HTR2B: variants seen among roughly 807,000 people sequenced by gnomAD.
The protein encoded by HTR2B is 5-hydroxytryptamine receptor 2B, also known as 5-HT 2B receptor.
HTR2B carries 31 observed loss-of-function variants against 39.8 expected under a neutral mutation model. The ratio of observed to expected loss-of-function variants is 0.78; its 90% confidence interval spans 0.58 to 1.05. The LOEUF is 1.05. Among genes scored for constraint, HTR2B ranks in the 50% least tolerant of loss-of-function variants. HTR2B has a pLI of 0.00. For missense variants in HTR2B, 562 were observed against 578.0 expected (o/e 0.97, Z 0.28); for synonymous variants, 210 against 207.1 (o/e 1.01, Z -0.12).
rs190426410 is a variant in HTR2B, at chr2:231,109,836, C to T, written c.554-427G>A. Among the ~76,000 whole-genome samples the T allele has an allele frequency of 2.2e-3, 328 of 152,248 alleles. 1 individual carries two copies. Among genetic ancestry groups the T allele is most frequent in the Middle Eastern group, 0.01 (3 of 294 alleles). ...ACTTCAGAGTACATTTATTCAATAT[C>T]TTTACTCAGTTTTGTCTTTGAGGTT... On this transcript the variant is annotated intron_variant, in intron 3 of 3. Transcript: ENST00000258400.
At position 231,109,174 on chromosome 2, in the gene HTR2B, A is replaced by G. The variant is rs1231282138; in HGVS notation, c.789T>C (p.Thr263=). 1.2e-6 allele frequency: 2 copies of G among 1,614,110 alleles called. No homozygotes were observed. Among genetic ancestry groups the G allele is most frequent in the African/African-American group, 1.3e-5 (1 of 74,936 alleles). ...NKPPQRLTWL[T]VSTVFQRDET... is the part of the protein sequence containing the mutation. ...CATCCCTTTGGAAAACTGTAGACAC[A>G]GTCAACCATGTTAGGCGTTGAGGTG... The change falls in exon 4 of 4, where the codon ACT becomes ACC. Residue 263 remains threonine, a synonymous_variant. Coordinates refer to ENST00000258400, the MANE Select transcript of HTR2B (RefSeq NM_000867.5).
In HTR2B at chr2:231,123,900, A is replaced by G. The variant is rs989847720; in HGVS notation, c.-136T>C. ...GCCAAAGTTGACACCTTCCTTTAAA[A>G]AAAAAAATTCAAGTTCTCTAAAATG... is the stretch of plus-strand genomic sequence containing the variant. On this transcript the variant is annotated 5_prime_UTR_variant, in exon 2 of 4. Transcript: ENST00000258400. 1.2e-5 allele frequency: 9 copies of G among 720,622 alleles called. No homozygotes were observed. In the East Asian group the frequency reaches 2.4e-4, roughly 19 times the overall value. 44.6% of individuals were successfully genotyped at this position (720,622 alleles called of 1,614,324 possible).
chr2:231,108,837 TCACTCCTGAGGAAA>T lies in HTR2B; in HGVS notation c.1112_1125del (p.Val371GlufsTer10). The T allele has an allele frequency of 6.2e-7, 1 of 1,614,170 alleles. No homozygotes were observed. Among genetic ancestry groups the T allele is most frequent in the Non-Finnish European group, 8.5e-7 (1 of 1,180,030 alleles). On this transcript the variant is annotated frameshift_variant, in exon 4 of 4. Transcript: ENST00000258400. LOFTEE classifies it high-confidence loss of function. Reference sequence around the variant, plus strand: ...TTGAAGAGGGTGTAGACCAAAGGATTCACTCCTGAGGAAACATAGCCTATCCACACAAATATCTC... The same window carrying T: ...TTGAAGAGGGTGTAGACCAAAGGATTCATAGCCTATCCACACAAATATCTC...
In HTR2B at chr2:231,108,914, C is replaced by T. The variant is rs762274085; in HGVS notation, c.1049G>A (p.Cys350Tyr). Residue 350 changes from cysteine (C) to tyrosine (Y), a missense_variant, in exon 4 of 4, where the codon TGT (cysteine) becomes TAT (tyrosine). By Grantham distance (194) the Cys-to-Tyr change is radical. Transcript: ENST00000258400. ...GAGAGTAGTTTGGTTACAGGAATCA[C>T]ATAAAACTAAAGTTATATTTGTAAT... ...FFITNITLVL[C>Y]DSCNQTTLQM... is the part of the protein sequence containing the mutation. 1 of 1,613,916 alleles carries T rather than the reference C, an allele frequency of 6.2e-7. No individual in the cohort carries two copies. The highest frequency in any genetic ancestry group is 8.5e-7 in the Non-Finnish European group (1 of 1,179,998).
rs1478116615 is a variant in HTR2B at position 231,123,467 on chromosome 2, C to T, written c.298G>A (p.Asp100Asn). The change falls in exon 2 of 4, where the codon GAT (aspartate) becomes AAT (asparagine). Residue 100 changes from aspartate (D) to asparagine (N), a missense_variant. Physicochemically the swap from Asp to Asn is conservative, Grantham distance 23. Coordinates refer to ENST00000258400, the MANE Select transcript of HTR2B (RefSeq NM_000867.5). ...NYFLMSLAVA[D>N]LLVGLFVMPI... ...ATCACAAACAATCCAACCAGCAAATCAGCCACCGCCAAGGACATTAGAAAG... is the reference window on the plus strand; with the variant it reads ...ATCACAAACAATCCAACCAGCAAATTAGCCACCGCCAAGGACATTAGAAAG... 6.2e-7 allele frequency: 1 copy of T among 1,614,054 alleles called. No homozygotes were observed. The highest frequency in any genetic ancestry group is 2.2e-5 in the East Asian group (1 of 44,866).
chr2:231,108,416 G>T lies in HTR2B; in HGVS notation c.*101C>A, dbSNP rs927202936. On this transcript the variant is annotated 3_prime_UTR_variant, in exon 4 of 4. Transcript: ENST00000258400. ...ACATCTTAGGTTAAAGAGATGATTT[G>T]ATATATGACATAAAATTCTTTATAT... is the stretch of plus-strand genomic sequence containing the variant. 27 of 822,562 alleles carry T rather than the reference G, an allele frequency of 3.3e-5. No individual in the cohort carries two copies. The highest frequency in any genetic ancestry group is 4.9e-5 in the Non-Finnish European group (25 of 507,684). The allele number at this position is 822,562 out of a possible 1,614,324, so 51.0% of individuals were successfully genotyped here.
rs750681997 is a variant in HTR2B at position 231,109,019 on chromosome 2, G to A, written c.944C>T (p.Thr315Ile). The A allele has an allele frequency of 5.0e-6, 8 of 1,614,090 alleles. No homozygotes were observed. The highest frequency in any genetic ancestry group is 2.7e-5 in the African/African-American group (2 of 74,928). The change falls in exon 4 of 4, where the codon ACC (threonine) becomes ATC (isoleucine). Residue 315 changes from threonine (T) to isoleucine (I), a missense_variant. By Grantham distance (89) the Thr-to-Ile change is moderately conservative. Coordinates refer to ENST00000258400, the MANE Select transcript of HTR2B (RefSeq NM_000867.5). ...TSTIGKKSVQTISNEQRASKV... is the reference protein window; with the variant it reads ...TSTIGKKSVQIISNEQRASKV... ...TGAGGCTCTCTGTTCGTTGGAAATG[G>A]TCTGCACTGACTTTTTCCCAATTGT...
rs1349081392 is a variant in HTR2B at position 231,109,226 on chromosome 2, T to C, written c.737A>G (p.Lys246Arg). 6 of 1,614,206 alleles carry C rather than the reference T, an allele frequency of 3.7e-6. No homozygotes were observed. Among genetic ancestry groups the C allele is most frequent in the Non-Finnish European group, 5.1e-6 (6 of 1,180,026 alleles). Residue 246 changes from lysine to arginine, a missense_variant, in exon 4 of 4, where the codon AAG becomes AGG. Transcript: ENST00000258400. ...TYFLTIHALQ[K>R]KAYLVKNKPP... ...CTTGTTTTTGACTAAGTAAGCCTTC[T>C]TCTGTAAAGCATGGATAGTGAGAAA...
Position 231,123,682 on chromosome 2 carries a change from G to T in HTR2B, c.83C>A (p.Ser28Tyr). The part of the protein sequence containing the change: ...ILQSTFVHVI[S>Y]SNWSGLQTES... ...TGTCTGTAATCCAGACCAGTTAGAAGAGATAACGTGAACAAAGGTGCTCTG... is the reference window on the plus strand; with the variant it reads ...TGTCTGTAATCCAGACCAGTTAGAATAGATAACGTGAACAAAGGTGCTCTG... Residue 28 changes from serine (S) to tyrosine (Y), a missense_variant, in exon 2 of 4, where the codon TCT becomes TAT. Transcript: ENST00000258400. 1.2e-6 allele frequency: 2 copies of T among 1,614,072 alleles called. No homozygotes were observed. The highest frequency in any genetic ancestry group is 1.7e-6 in the Non-Finnish European group (2 of 1,179,932).
intron 2 of HTR2B, among the ~76,000 whole-genome samples, chr2:231,117,058 T>C (rs1289505107): frequency 6.6e-6 from 1 of 152,094 alleles, no homozygotes; most frequent in African/African-American, 2.4e-5. Flanking sequence ...ACACTTGTTT[T>C]ATAAAGGGGC....
rs768523447 is a variant in HTR2B, at chr2:231,109,289, G to T, written c.674C>A (p.Ala225Asp). Residue 225 changes from alanine (A) to aspartate (D), a missense_variant, in exon 4 of 4, where the codon GCC becomes GAC. Coordinates refer to ENST00000258400, the MANE Select transcript of HTR2B (RefSeq NM_000867.5). ...CATAATTGCAAGAGGTGTGAAGAAG[G>T]CAGCCAGTGAGCCAAAGAGCATGAA... ...GDFMLFGSLAAFFTPLAIMIV... is the reference protein window; with the variant it reads ...GDFMLFGSLADFFTPLAIMIV... 4.3e-6 allele frequency: 7 copies of T among 1,614,118 alleles called. No homozygotes were observed. The highest frequency in any genetic ancestry group is 5.1e-6 in the Non-Finnish European group (6 of 1,180,014).
At chr2:231,113,503 GTTCT>G (rs1430467343) in intron 3 of HTR2B, among the ~76,000 whole-genome samples, 2 of 152,172 alleles carry the variant, frequency 1.3e-5, no homozygotes, top group Admixed American at 1.3e-4. Context: ...TGTGCAGATG[GTTCT>G]TTCTGAGGAC....
intron 2 of HTR2B, 38 bp from the exon 3 acceptor site, chr2:231,113,967 T>C: frequency 1.3e-6 from 2 of 1,556,318 alleles, no homozygotes; most frequent in Non-Finnish European, 1.8e-6. Flanking sequence ...TTTTATTCTA[T>C]AAAATGGCAA....
rs932346211 is a variant in HTR2B, at chr2:231,123,800, A to G, written c.-36T>C. The G allele has an allele frequency of 1.1e-5, 16 of 1,479,304 alleles. No homozygotes were observed. Among genetic ancestry groups the G allele is most frequent in the African/African-American group, 4.2e-5 (3 of 72,072 alleles). 91.6% of individuals were successfully genotyped at this position (1,479,304 alleles called of 1,614,324 possible). A position where few individuals can be genotyped will look rare whatever the true frequency, so the allele number is the denominator to read the frequency against. ...TCTGTGATTCAATCCCGTTCCGAACAGTGGTCAGCATGGTTAGTAGCTAAG... is the reference window on the plus strand; with the variant it reads ...TCTGTGATTCAATCCCGTTCCGAACGGTGGTCAGCATGGTTAGTAGCTAAG... On this transcript the variant is annotated 5_prime_UTR_variant, in exon 2 of 4. Transcript: ENST00000258400.
chr2:231,108,744 T>G lies in HTR2B; in HGVS notation c.1219A>C (p.Thr407Pro), dbSNP rs1695046537. The G allele has an allele frequency of 6.2e-7, 1 of 1,613,672 alleles. No homozygotes were observed. The highest frequency in any genetic ancestry group is 1.7e-5 in the Admixed American group (1 of 59,946). The change falls in exon 4 of 4, where the codon ACT (threonine) becomes CCT (proline). Residue 407 changes from threonine (T) to proline (P), a missense_variant. By Grantham distance (38) the Thr-to-Pro change is conservative. Transcript: ENST00000258400. Reference sequence around the variant, plus strand: ...ATCTTACTGGAGCGTTTTCTGAGAGTTTTTACTGACTTTGTGGCCCGGTAA... The same window carrying G: ...ATCTTACTGGAGCGTTTTCTGAGAGGTTTTACTGACTTTGTGGCCCGGTAA... ...CNYRATKSVK[T>P]LRKRSSKIYF...
At chr2:231,117,936 T>C (rs1695399803) in intron 2 of HTR2B, among the ~76,000 whole-genome samples, 1 of 152,174 alleles carries the variant, frequency 6.6e-6, no homozygotes, top group African/African-American at 2.4e-5. Context: ...GTTGGTTCTG[T>C]ATGCCAAATA....
intron 2 of HTR2B, among the ~76,000 whole-genome samples, chr2:231,120,590 C>T (rs536813841): frequency 2.6e-5 from 4 of 152,098 alleles, no homozygotes; most frequent in Non-Finnish European, 5.9e-5. Flanking sequence ...GAATTCAAAC[C>T]GTATATTGTT....
Position 231,113,839 on chromosome 2 carries a change from G to A in HTR2B, c.443C>T (p.Ala148Val), listed in dbSNP as rs1281784591. 2 of 1,614,070 alleles carry A rather than the reference G, an allele frequency of 1.2e-6. No homozygotes were observed. Among genetic ancestry groups the A allele is most frequent in the Non-Finnish European group, 1.7e-6 (2 of 1,179,942 alleles). Residue 148 changes from alanine to valine, a missense_variant, in exon 3 of 4, where the codon GCC (alanine) becomes GTC (valine). Physicochemically the swap from Ala to Val is moderately conservative, Grantham distance 64. Coordinates refer to ENST00000258400, the MANE Select transcript of HTR2B (RefSeq NM_000867.5). ...GGCTATGTAACGATCCACTGAAATG[G>A]CACAGAGATGCATGATGGATGCGGT... is the stretch of plus-strand genomic sequence containing the variant. ...FSTASIMHLC[A>V]ISVDRYIAIK...
intron 2 of HTR2B, among the ~76,000 whole-genome samples, chr2:231,114,352 A>C (rs891976113): frequency 1.3e-5 from 2 of 152,332 alleles, no homozygotes; most frequent in South Asian, 4.1e-4. Flanking sequence ...ACAGTATGAC[A>C]AAAAGCGTAT....
Sources: gnomAD v4.1 joint callset for allele counts (sites outside exome capture counted in the v4.1 genomes callset) on GRCh38, gnomAD v4.1.1 for gene constraint, MANE v1.5 for transcripts, NCBI Gene and HGNC (gene_info 2026-07-23, HGNC 2026-07-21) for gene names.